PCDH15: variants seen among roughly 807,000 people sequenced by gnomAD.
PCDH15 encodes the protein protocadherin-15.
PCDH15 carries 129 observed loss-of-function variants against 178.5 expected under a neutral mutation model. That is an observed-to-expected ratio of 0.72 (90% CI 0.63 to 0.84). PCDH15 has a LOEUF of 0.84. PCDH15 is among the 40% of genes least tolerant of loss of function. The pLI is 0.00. For synonymous variants in PCDH15, 800 were observed against 732.0 expected (o/e 1.09, Z -1.50); for missense variants, 2,230 against 2,099.9 (o/e 1.06, Z -1.21).
chr10:54,595,605 C>A (rs1937397), intron 2 of PCDH15, among the ~76,000 whole-genome samples: 1 of 152,054 alleles, frequency 6.6e-6, no homozygotes, highest in African/African-American at 2.4e-5. Flanking sequence ...GCAGAGGTAG[C>A]TGAAATGACA....
intron 2 of PCDH15, among the ~76,000 whole-genome samples, chr10:55,337,769 T>C (rs1844435889): frequency 6.6e-6 from 1 of 152,134 alleles, no homozygotes; most frequent in South Asian, 2.1e-4. Context: ...GGTGCATTTA[T>C]CACATTTTCC....
intron 2 of PCDH15, among the ~76,000 whole-genome samples, chr10:55,089,886 A>G (rs1842270531): frequency 6.6e-6 from 1 of 152,020 alleles, no homozygotes; most frequent in Non-Finnish European, 1.5e-5. Flanking sequence ...CGGTTTTCTA[A>G]AAGTAATAAG....
intron 3 of PCDH15, among the ~76,000 whole-genome samples, chr10:54,827,968 C>CATAG (rs1164484944): frequency 1.3e-5 from 2 of 151,974 alleles, no homozygotes. Context: ...ACATTATATA[C>CATAG]ATAGATATGC....
At chr10:54,820,187 C>G (rs111856033) in intron 3 of PCDH15, among the ~76,000 whole-genome samples, 1 of 151,980 alleles carries the variant, frequency 6.6e-6, no homozygotes, top group Non-Finnish European at 1.5e-5. Context: ...AGATGTGTAA[C>G]AATCCAATGG....
intron 1 of PCDH15, among the ~76,000 whole-genome samples, chr10:55,242,372 ACT>A (rs1841566815): frequency 6.6e-6 from 1 of 151,972 alleles, no homozygotes; most frequent in South Asian, 2.1e-4. Flanking sequence ...AGCTAATGAG[ACT>A]CTAAGTTGCC....
intron 1 of PCDH15, among the ~76,000 whole-genome samples, chr10:54,687,522 T>A (rs558243691): frequency 6.6e-6 from 1 of 152,158 alleles, no homozygotes; most frequent in East Asian, 1.9e-4. Context: ...TTGAATCTTA[T>A]GCTTGGCTAG....
intron 2 of PCDH15, among the ~76,000 whole-genome samples, chr10:55,118,383 G>A (rs748214008): frequency 1.3e-5 from 2 of 152,114 alleles, no homozygotes; most frequent in Admixed American, 6.5e-5. Flanking sequence ...TGCATCATGA[G>A]GGCGTACCAT....
intron 2 of PCDH15, among the ~76,000 whole-genome samples, chr10:55,081,875 T>C (rs1842048360): frequency 6.6e-6 from 1 of 152,096 alleles, no homozygotes; most frequent in Non-Finnish European, 1.5e-5. Flanking sequence ...TCAGCAACAG[T>C]ATGTAGCAAT....
At chr10:54,395,005 T>A (rs1292426313) in intron 3 of PCDH15, among the ~76,000 whole-genome samples, 2 of 152,184 alleles carry the variant, frequency 1.3e-5, no homozygotes, top group African/African-American at 4.8e-5. Context: ...CTGTTCTTTT[T>A]TCGAGGTGCC....
chr10:54,577,242 C>T (rs922412631), intron 2 of PCDH15, among the ~76,000 whole-genome samples: 4 of 118,504 alleles, frequency 3.4e-5, no homozygotes, highest in African/African-American at 1.2e-4. Context: ...ACCACCACGC[C>T]CAGCTAATTT....
chr10:54,019,846 G>A (rs2092858830), intron 20 of PCDH15, among the ~76,000 whole-genome samples: 1 of 151,870 alleles, frequency 6.6e-6, no homozygotes, highest in African/African-American at 2.4e-5. Flanking sequence ...TTTTTTAGTT[G>A]AAGGATTTGT....
intron 1 of PCDH15, among the ~76,000 whole-genome samples, chr10:54,788,216 G>T (rs771580339): frequency 8.6e-5 from 13 of 151,874 alleles, no homozygotes; most frequent in Non-Finnish European, 4.4e-5. Flanking sequence ...CTGATATATG[G>T]GTTTCAAGCT....
chr10:54,308,446 T>A (rs1000864393), intron 8 of PCDH15, among the ~76,000 whole-genome samples: 1 of 152,080 alleles, frequency 6.6e-6, no homozygotes, highest in Admixed American at 6.6e-5. Flanking sequence ...TTTTTTTGCC[T>A]CCTTAATAGT....
At chr10:55,288,197 G>A (rs184506092) in intron 1 of PCDH15, among the ~76,000 whole-genome samples, 2 of 149,906 alleles carry the variant, frequency 1.3e-5, no homozygotes, top group Admixed American at 1.3e-4. Context: ...AACGGCACAC[G>A]TAGGCTAACT....
At position 55,006,076 on chromosome 10, in the gene PCDH15, C is replaced by A. The variant is rs192762313; in HGVS notation, c.-79-108576G>T. The stretch of plus-strand genomic sequence containing the variant: ...GGTAATTAACTTATCCATCACCACA[C>A]AAATTTATCATTTTTTGGAGTAAAG... On this transcript the variant is annotated intron_variant, in intron 2 of 5. Transcript: ENST00000458638. 7.6e-4 allele frequency among the ~76,000 whole-genome samples: 116 copies of A among 152,054 alleles called. 2 individuals are homozygous for A. The highest frequency in any genetic ancestry group is 7.1e-3 in the South Asian group (34 of 4,812).
intron 2 of PCDH15, among the ~76,000 whole-genome samples, chr10:55,091,729 C>T (rs1379931390): frequency 6.6e-6 from 1 of 151,870 alleles, no homozygotes; most frequent in Non-Finnish European, 1.5e-5. Context: ...TTTTACTACA[C>T]ATTTCCTAGG....
chr10:54,738,054 A>G (rs1161554167), intron 1 of PCDH15, among the ~76,000 whole-genome samples: 1 of 152,054 alleles, frequency 6.6e-6, no homozygotes. Flanking sequence ...TGAACTTCAC[A>G]TGTTCTGGAG....
chr10:53,985,991 T>C lies in PCDH15; in HGVS notation c.2868+9658A>G, dbSNP rs529059312. ...ACATCACAGCAACCCTATAAAGTAT[T>C]TCTTTTGTTTTTAGAACACATGAAA... On this transcript the variant is annotated intron_variant, in intron 21 of 37. Transcript: ENST00000644397. Among the ~76,000 whole-genome samples, 28 of 152,332 alleles carry C rather than the reference T, an allele frequency of 1.8e-4. No individual in the cohort carries two copies. The South Asian group carries it at 5.6e-3, about 30-fold the overall frequency.
At chr10:53,846,783 T>C (rs968689668) in intron 28 of PCDH15, among the ~76,000 whole-genome samples, 2 of 152,054 alleles carry the variant, frequency 1.3e-5, no homozygotes, top group African/African-American at 2.4e-5. Context: ...AGGTATTTAC[T>C]CATGGTTGAT....
Sources: gnomAD v4.1 joint callset for allele counts (sites outside exome capture counted in the v4.1 genomes callset) on GRCh38, gnomAD v4.1.1 for gene constraint, MANE v1.5 for transcripts, NCBI Gene and HGNC (gene_info 2026-07-23, HGNC 2026-07-21) for gene names.